The following CEP57L1 variants were observed in gnomAD, a reference collection of about 807,000 sequenced individuals.
CEP57L1 encodes centrosomal protein 57 like 1.
In CEP57L1, 37 loss-of-function variants were observed where a neutral mutation model predicts 61.0. The observed-to-expected ratio is 0.61, with a 90% confidence interval of 0.47 to 0.80. CEP57L1 has a LOEUF of 0.80. Among genes scored for constraint, CEP57L1 ranks in the 30% least tolerant of loss-of-function variants. CEP57L1 has a pLI of 0.00. For missense variants in CEP57L1, 422 were observed against 524.7 expected (o/e 0.80, Z 1.91); for synonymous variants, 137 against 162.3 (o/e 0.84, Z 1.19).
intron 1 of CEP57L1, among the ~76,000 whole-genome samples, chr6:109,121,195 T>G (rs1772931118): frequency 6.6e-6 from 1 of 152,170 alleles, no homozygotes; most frequent in Admixed American, 6.5e-5. Context: ...TTTTGGATTA[T>G]GAAACTCCCC....
chr6:109,118,764 A>G (rs1010307338), intron 1 of CEP57L1, among the ~76,000 whole-genome samples: 2 of 152,194 alleles, frequency 1.3e-5, no homozygotes. Context: ...TCTGAATGGT[A>G]TAGACATCTT....
chr6:109,109,071 T>C (rs1446143976), intron 1 of CEP57L1, among the ~76,000 whole-genome samples: 1 of 152,248 alleles, frequency 6.6e-6, no homozygotes, highest in Non-Finnish European at 1.5e-5. Context: ...GACAATTTGC[T>C]CTTCGTTATT....
rs920151690 is a variant in CEP57L1, at chr6:109,169,454, T to C, written c.*6484T>C. Among the ~76,000 whole-genome samples, 3 of 152,198 alleles carry C rather than the reference T, an allele frequency of 2.0e-5. No individual in the cohort carries two copies. Among genetic ancestry groups the C allele is most frequent in the Non-Finnish European group, 4.4e-5 (3 of 68,022 alleles). ...AGGAATACTCCCAAGTCCCCTGTTATGGATGTGCCAATCTATTGTTTATCC... is the reference window on the plus strand; with the variant it reads ...AGGAATACTCCCAAGTCCCCTGTTACGGATGTGCCAATCTATTGTTTATCC... On this transcript the variant is annotated 3_prime_UTR_variant, in exon 11 of 11. Transcript: ENST00000517392.
intron 1 of CEP57L1, among the ~76,000 whole-genome samples, chr6:109,105,329 C>A (rs997544708): frequency 1.3e-5 from 2 of 152,076 alleles, no homozygotes; most frequent in African/African-American, 4.8e-5. Flanking sequence ...GATGTTCAGT[C>A]TAGCTAGAAT....
At position 109,167,249 on chromosome 6, in the gene CEP57L1, A is replaced by C. The variant is rs747238805; in HGVS notation, c.*4279A>C. ...GAGAATTAGACATAGAAAAATTATA[A>C]ATTTAAGCCTTAAAATAATGTCTGG... On this transcript the variant is annotated 3_prime_UTR_variant, in exon 11 of 11. Transcript: ENST00000517392. Among the ~76,000 whole-genome samples the C allele has an allele frequency of 6.6e-6, 1 of 152,174 alleles. No individual in the cohort carries two copies. Among genetic ancestry groups the C allele is most frequent in the Non-Finnish European group, 1.5e-5 (1 of 68,024 alleles).
rs147400032 is a variant in CEP57L1 at position 109,141,259 on chromosome 6, G to C, written c.-3-3960G>C. The stretch of plus-strand genomic sequence containing the variant: ...GAGACACAGTCTCACATTGTTGCCT[G>C]TGCTAGTGTGTAGTGGCGCAATCTC... On this transcript the variant is annotated intron_variant, in intron 1 of 10. Coordinates refer to ENST00000517392, the MANE Select transcript of CEP57L1 (RefSeq NM_001271852.3). Among the ~76,000 whole-genome samples, 1,249 of 151,250 alleles carry C rather than the reference G, an allele frequency of 8.3e-3. 21 individuals are homozygous for C. Among genetic ancestry groups the C allele is most frequent in the African/African-American group, 0.029 (1,187 of 41,216 alleles).
In CEP57L1 at chr6:109,150,164, A is replaced by G. The variant is rs750763442; in HGVS notation, c.387A>G (p.Leu129=). ...LSSAQSRCTL[L]EKQLEYTKRM... ...CAGCCCAGTCTCGTTGTACTCTTCT[A>G]GAGAAGCAACTAGAATATACAAAGA... The change falls in exon 4 of 11, where the codon CTA becomes CTG. Residue 129 remains leucine (L), a synonymous_variant. Transcript: ENST00000517392. 2.7e-5 allele frequency: 44 copies of G among 1,610,366 alleles called. No homozygotes were observed. Among genetic ancestry groups the G allele is most frequent in the Non-Finnish European group, 3.7e-5 (43 of 1,176,956 alleles).
At chr6:109,134,327 A>G (rs1205385608) in intron 1 of CEP57L1, among the ~76,000 whole-genome samples, 1 of 152,200 alleles carries the variant, frequency 6.6e-6, no homozygotes, top group African/African-American at 2.4e-5. Context: ...GGTTATCTCA[A>G]TAGCTGCAGA....
chr6:109,114,084 T>G (rs1771997311), intron 1 of CEP57L1, among the ~76,000 whole-genome samples: 1 of 152,140 alleles, frequency 6.6e-6, no homozygotes. Context: ...GCAGTGGGAT[T>G]GCTGGATTAT....
intron 1 of CEP57L1, among the ~76,000 whole-genome samples, chr6:109,141,982 C>A: frequency 6.6e-6 from 1 of 152,288 alleles, no homozygotes; most frequent in East Asian, 1.9e-4. Context: ...CCCCTAATGT[C>A]GTCTCCCTAG....
chr6:109,138,263 C>T (rs1770958246), intron 1 of CEP57L1, among the ~76,000 whole-genome samples: 1 of 151,962 alleles, frequency 6.6e-6, no homozygotes, highest in African/African-American at 2.4e-5. Context: ...TGTTAAAAGG[C>T]TTATTCTGGT....
Position 109,101,522 on chromosome 6 carries a change from CA to C in CEP57L1, c.-4+5953del, listed in dbSNP as rs530867306. Among the ~76,000 whole-genome samples, 1,266 of 151,946 alleles carry C rather than the reference CA, an allele frequency of 8.3e-3. 24 individuals are homozygous for C. The highest frequency in any genetic ancestry group is 0.029 in the African/African-American group (1,215 of 41,450). On this transcript the variant is annotated intron_variant, in intron 1 of 10. Coordinates refer to ENST00000517392, the MANE Select transcript of CEP57L1 (RefSeq NM_001271852.3). Reference sequence around the variant, plus strand: ...AATTTATGTGCAGGCTTTTTCTGGGCAAAAAATTTTTAACTCATCTAGGAAT... The same window carrying C: ...AATTTATGTGCAGGCTTTTTCTGGGCAAAAATTTTTAACTCATCTAGGAAT...
chr6:109,164,318 T>G lies in CEP57L1; in HGVS notation c.*1348T>G, dbSNP rs1352566675. Among the ~76,000 whole-genome samples, 1 of 152,206 alleles carries G rather than the reference T, an allele frequency of 6.6e-6. No homozygotes were observed. The highest frequency in any genetic ancestry group is 6.5e-5 in the Admixed American group (1 of 15,276). On this transcript the variant is annotated 3_prime_UTR_variant, in exon 11 of 11. Coordinates refer to ENST00000517392, the MANE Select transcript of CEP57L1 (RefSeq NM_001271852.3). ...GGAAGAGAACTATAATTCATTCTAA[T>G]GGTGAGGAGAGATACCATGTTAGAA...
At chr6:109,132,416 T>C (rs1774294739) in intron 1 of CEP57L1, among the ~76,000 whole-genome samples, 2 of 152,234 alleles carry the variant, frequency 1.3e-5, no homozygotes, top group African/African-American at 4.8e-5. Flanking sequence ...AACAGTTTTC[T>C]AAGATTCATC....
chr6:109,153,737 A>G (rs1772911192), intron 4 of CEP57L1, 96 bp from the exon 5 acceptor site: 1 of 754,194 alleles, frequency 1.3e-6, no homozygotes, highest in South Asian at 1.6e-5. Context: ...TAAGATATTT[A>G]TATTGTGTTT....
chr6:109,160,949 A>G (rs1773666626), intron 10 of CEP57L1, among the ~76,000 whole-genome samples: 1 of 152,314 alleles, frequency 6.6e-6, no homozygotes, highest in Non-Finnish European at 1.5e-5. Context: ...AAGTTCAGTT[A>G]TGTATTCAGA....
chr6:109,096,462 A>G lies in CEP57L1; in HGVS notation c.-4+887A>G, dbSNP rs142139789. 6.0e-3 allele frequency among the ~76,000 whole-genome samples: 915 copies of G among 152,340 alleles called. 14 individuals are homozygous for G. The highest frequency in any genetic ancestry group is 0.021 in the African/African-American group (871 of 41,590). On this transcript the variant is annotated intron_variant, in intron 1 of 10. Transcript: ENST00000517392. Reference sequence around the variant, plus strand: ...CAGGGGAAATGAAGACCAAAAGAACAGCATATGCTAAGGCCCAGAGTGAGA... The same window carrying G: ...CAGGGGAAATGAAGACCAAAAGAACGGCATATGCTAAGGCCCAGAGTGAGA...
chr6:109,153,696 A>C (rs1772906373), intron 4 of CEP57L1, 137 bp from the exon 5 acceptor site: 1 of 642,264 alleles, frequency 1.6e-6, no homozygotes, highest in Admixed American at 2.8e-5. Flanking sequence ...AAGCATCTAA[A>C]GTATGTGTGT....
Position 109,171,472 on chromosome 6 carries a change from TG to T in CEP57L1, c.*8503del, listed in dbSNP as rs1295646624. Reference sequence around the variant, plus strand: ...GTTAGCCAGGCTGGTCTCGAACTCCTGACCTTAGGTGAACTGCCCGCCTCAG... The same window carrying T: ...GTTAGCCAGGCTGGTCTCGAACTCCTACCTTAGGTGAACTGCCCGCCTCAG... On this transcript the variant is annotated 3_prime_UTR_variant, in exon 11 of 11. Coordinates refer to ENST00000517392, the MANE Select transcript of CEP57L1 (RefSeq NM_001271852.3). Among the ~76,000 whole-genome samples the T allele has an allele frequency of 3.3e-5, 5 of 151,678 alleles. No homozygotes were observed. The highest frequency in any genetic ancestry group is 1.2e-4 in the African/African-American group (5 of 41,280).
Sources: allele counts gnomAD v4.1 joint callset (sites outside exome capture counted in the v4.1 genomes callset), GRCh38; gene constraint gnomAD v4.1.1; transcripts MANE v1.5; gene names NCBI Gene and HGNC (gene_info 2026-07-23, HGNC 2026-07-21).